Variants in RNF152 observed in about 807,000 individuals in gnomAD.
RNF152 encodes the protein ring finger protein 152, also known as E3 ubiquitin-protein ligase RNF152.
RNF152 carries 11 observed loss-of-function variants against 12.7 expected under a neutral mutation model. The observed-to-expected ratio is 0.86, with a 90% confidence interval of 0.54 to 1.43. RNF152 has a LOEUF of 1.43. Among genes scored for constraint, RNF152 ranks in the 40% most tolerant of loss-of-function variants. The pLI is 0.00. For synonymous variants in RNF152, 113 were observed against 120.3 expected (o/e 0.94, Z 0.40); for missense variants, 255 against 274.8 (o/e 0.93, Z 0.51).
intron 1 of RNF152, among the ~76,000 whole-genome samples, chr18:61,848,541 G>C (rs1910835628): frequency 6.6e-6 from 1 of 152,214 alleles, no homozygotes; most frequent in Admixed American, 6.5e-5. Context: ...GCTGTACGTG[G>C]CCTCAGCCTA....
intron 1 of RNF152, among the ~76,000 whole-genome samples, chr18:61,833,654 T>G (rs1028855540): frequency 4.6e-5 from 7 of 152,248 alleles, no homozygotes; most frequent in African/African-American, 1.7e-4. Context: ...TTTCTTTAGC[T>G]GATGGGAAAC....
At chr18:61,862,770 T>C (rs1911548787) in intron 1 of RNF152, among the ~76,000 whole-genome samples, 1 of 152,194 alleles carries the variant, frequency 6.6e-6, no homozygotes, top group African/African-American at 2.4e-5. Flanking sequence ...AGCAAATTCA[T>C]CAAAGCCAAA....
chr18:61,848,291 T>A (rs982157263), intron 1 of RNF152, among the ~76,000 whole-genome samples: 1 of 152,122 alleles, frequency 6.6e-6, no homozygotes, highest in Non-Finnish European at 1.5e-5. Context: ...TTTTCTAGCT[T>A]TCTCAATATT....
At chr18:61,831,772 T>G (rs1433293786) in intron 1 of RNF152, among the ~76,000 whole-genome samples, 1 of 131,384 alleles carries the variant, frequency 7.6e-6, no homozygotes. Context: ...TTTTACATGT[T>G]AATTACTTCT....
In RNF152 at chr18:61,811,051, A is replaced by C. The variant is rs886448432; in HGVS notation, c.*4801T>G. ...AAAGAAAGATTAGTATCTTGGCAAAAAAAAAAAAATTAAATGATTTTTAAA... is the reference window on the plus strand; with the variant it reads ...AAAGAAAGATTAGTATCTTGGCAAACAAAAAAAAATTAAATGATTTTTAAA... On this transcript the variant is annotated 3_prime_UTR_variant, in exon 2 of 2. Transcript: ENST00000312828. 1.3e-5 allele frequency: 2 copies of C among 152,144 alleles called. No individual in the cohort carries two copies. The highest frequency in any genetic ancestry group is 4.8e-5 in the African/African-American group (2 of 41,434). 9.4% of individuals were successfully genotyped at this position (152,144 alleles called of 1,614,324 possible).
At chr18:61,873,611 G>A (rs777364838) in intron 1 of RNF152, among the ~76,000 whole-genome samples, 6 of 152,160 alleles carry the variant, frequency 3.9e-5, no homozygotes, top group Non-Finnish European at 8.8e-5. Context: ...TGGGATTACA[G>A]GCATGAGCCA....
rs1218963914 is a variant in RNF152 at position 61,808,485 on chromosome 18, G to A, written c.*7367C>T. 2 of 149,948 alleles carry A rather than the reference G, an allele frequency of 1.3e-5. No homozygotes were observed. The highest frequency in any genetic ancestry group is 4.9e-5 in the African/African-American group (2 of 40,580). 9.3% of individuals were successfully genotyped at this position (149,948 alleles called of 1,614,324 possible). A position where few individuals can be genotyped will look rare whatever the true frequency, so the allele number is the denominator to read the frequency against. The stretch of plus-strand genomic sequence containing the variant: ...GATTTGAGTTAATAGCCTCTGAGCA[G>A]CATTAATATAGCCATTAGACTGGAG... On this transcript the variant is annotated 3_prime_UTR_variant, in exon 2 of 2. Coordinates refer to ENST00000312828, the MANE Select transcript of RNF152 (RefSeq NM_173557.3).
chr18:61,815,953 T>C lies in RNF152; in HGVS notation c.511A>G (p.Thr171Ala). The C allele has an allele frequency of 5.0e-6, 8 of 1,613,790 alleles. No homozygotes were observed. Among genetic ancestry groups the C allele is most frequent in the Non-Finnish European group, 5.9e-6 (7 of 1,179,924 alleles). ...VKSSTWSGVC[T>A]VILVACVLVF... Reference sequence around the variant, plus strand: ...AAGACGCAAGCCACCAAGATGACAGTGCACACCCCCGACCAGGTGGAGCTT... The same window carrying C: ...AAGACGCAAGCCACCAAGATGACAGCGCACACCCCCGACCAGGTGGAGCTT... Residue 171 changes from threonine to alanine, a missense_variant, in exon 2 of 2, where the codon ACT becomes GCT. By Grantham distance (58) the Thr-to-Ala change is moderately conservative. Coordinates refer to ENST00000312828, the MANE Select transcript of RNF152 (RefSeq NM_173557.3).
At chr18:61,828,240 C>A (rs1338725627) in intron 1 of RNF152, among the ~76,000 whole-genome samples, 1 of 138,268 alleles carries the variant, frequency 7.2e-6, no homozygotes, top group Non-Finnish European at 1.7e-5. Flanking sequence ...TGCGTTTTTT[C>A]TTCCTTCCTT....
rs182794202 is a variant in RNF152, at chr18:61,839,130, G to A, written c.-135-22532C>T. Among the ~76,000 whole-genome samples the A allele has an allele frequency of 2.6e-4, 40 of 151,254 alleles. No homozygotes were observed. In the East Asian group the frequency reaches 5.8e-3, roughly 22 times the overall value. On this transcript the variant is annotated intron_variant, in intron 1 of 1. Coordinates refer to ENST00000312828, the MANE Select transcript of RNF152 (RefSeq NM_173557.3). ...TAGTAAGCTGCAGGCCTGAGGTCCC[G>A]TTATCCCCATATGCTCCAAGTATTT...
chr18:61,860,452 A>AT (rs1438513429), intron 1 of RNF152, among the ~76,000 whole-genome samples: 2 of 152,214 alleles, frequency 1.3e-5, no homozygotes, highest in African/African-American at 4.8e-5. Context: ...GAAAATTCCT[A>AT]TTGCCTGGTG....
rs575535410 is a variant in RNF152 at position 61,820,142 on chromosome 18, A to C, written c.-135-3544T>G. On this transcript the variant is annotated intron_variant, in intron 1 of 1. Transcript: ENST00000312828. ...CAGGAGATCGAGACCATCCTGGCTA[A>C]TATGGTGAAACCCCGTCTCTACTAA... 6.3e-4 allele frequency among the ~76,000 whole-genome samples: 96 copies of C among 151,378 alleles called. 3 individuals are homozygous for C. In the South Asian group the frequency reaches 0.019, roughly 30 times the overall value.
rs571060472 is a variant in RNF152 at position 61,808,468 on chromosome 18, T to G, written c.*7384A>C. ...AAATGAAACACATCAAGGATTTGAG[T>G]TAATAGCCTCTGAGCAGCATTAATA... On this transcript the variant is annotated 3_prime_UTR_variant, in exon 2 of 2. Transcript: ENST00000312828. The G allele has an allele frequency of 2.3e-4, 34 of 148,966 alleles. No individual in the cohort carries two copies. Among genetic ancestry groups the G allele is most frequent in the African/African-American group, 7.7e-4 (31 of 40,410 alleles). The allele number at this position is 148,966 out of a possible 1,614,324, so 9.2% of individuals were successfully genotyped here.
chr18:61,821,694 G>A (rs1159203904), intron 1 of RNF152, among the ~76,000 whole-genome samples: 4 of 152,146 alleles, frequency 2.6e-5, no homozygotes, highest in Non-Finnish European at 4.4e-5. Context: ...AAGGAACCAG[G>A]CTACATAGCA....
chr18:61,830,380 G>A (rs761843352), intron 1 of RNF152, among the ~76,000 whole-genome samples: 2 of 151,924 alleles, frequency 1.3e-5, no homozygotes, highest in Non-Finnish European at 2.9e-5. Context: ...TTCAACAACC[G>A]CTCCCCATTT....
chr18:61,814,221 G>A lies in RNF152; in HGVS notation c.*1631C>T, dbSNP rs1908955545. 6.6e-6 allele frequency: 1 copy of A among 152,124 alleles called. No homozygotes were observed. Among genetic ancestry groups the A allele is most frequent in the Admixed American group, 6.5e-5 (1 of 15,272 alleles). 9.4% of individuals were successfully genotyped at this position (152,124 alleles called of 1,614,324 possible). ...TTGTGCTGCTTGAAGATAACAGACA[G>A]CATGTAAATAAATTAAATTGTCTTG... On this transcript the variant is annotated 3_prime_UTR_variant, in exon 2 of 2. Coordinates refer to ENST00000312828, the MANE Select transcript of RNF152 (RefSeq NM_173557.3).
At chr18:61,858,809 A>G (rs965218554) in intron 1 of RNF152, among the ~76,000 whole-genome samples, 2 of 152,210 alleles carry the variant, frequency 1.3e-5, no homozygotes, top group Non-Finnish European at 2.9e-5. Context: ...CCTTGCAGAC[A>G]TCATGATGCA....
rs1441186929 is a variant in RNF152 at position 61,814,357 on chromosome 18, A to G, written c.*1495T>C. 2 of 152,136 alleles carry G rather than the reference A, an allele frequency of 1.3e-5. No homozygotes were observed. The highest frequency in any genetic ancestry group is 2.9e-5 in the Non-Finnish European group (2 of 68,042). The allele number at this position is 152,136 out of a possible 1,614,324, so 9.4% of individuals were successfully genotyped here. A position where few individuals can be genotyped will look rare whatever the true frequency, so the allele number is the denominator to read the frequency against. On this transcript the variant is annotated 3_prime_UTR_variant, in exon 2 of 2. Transcript: ENST00000312828. The stretch of plus-strand genomic sequence containing the variant: ...TTCAGGGATTCAGTGGAACATAAAA[A>G]CAGTTATATTTATAAGTGGAGTCCT...
At chr18:61,891,153 T>C (rs2144778587) in intron 1 of RNF152, among the ~76,000 whole-genome samples, 1 of 152,278 alleles carries the variant, frequency 6.6e-6, no homozygotes, top group South Asian at 2.1e-4. Flanking sequence ...ATGAGCATTG[T>C]AGAAAGGAAG....
Sources: allele counts gnomAD v4.1 joint callset (sites outside exome capture counted in the v4.1 genomes callset), GRCh38; gene constraint gnomAD v4.1.1; transcripts MANE v1.5; gene names NCBI Gene and HGNC (gene_info 2026-07-23, HGNC 2026-07-21).